Variants in WWOX observed in about 807,000 individuals in gnomAD.
WWOX encodes WW domain containing oxidoreductase, also known as WW domain-containing oxidoreductase.
A neutral mutation model predicts 46.2 loss-of-function variants in WWOX; 69 were observed. That is an observed-to-expected ratio of 1.49 (90% CI 1.23 to 1.82). WWOX has a LOEUF of 1.82. Ranked by LOEUF, WWOX falls within the 40% of genes most tolerant of loss-of-function variation. The probability of loss-of-function intolerance (pLI) is 0.00; values close to 1 mark genes in which losing one functional copy is unlikely to be tolerated. For missense variants in WWOX, 919 were observed against 542.6 expected (o/e 1.69, Z -6.89); for synonymous variants, 359 against 202.6 (o/e 1.77, Z -6.56).
Position 78,724,008 on chromosome 16 carries a change from C to T in WWOX, c.1056+291256C>T, listed in dbSNP as rs191542983. Among the ~76,000 whole-genome samples the T allele has an allele frequency of 6.3e-4, 96 of 152,244 alleles. 2 individuals carry two copies. In the East Asian group the frequency reaches 0.015, roughly 23 times the overall value. ...CCCTCTGATTCAGGCTCAGCAGGAG[C>T]GGGAGAGGATGCATAGGACTACATG... On this transcript the variant is annotated intron_variant, in intron 8 of 8. Coordinates refer to ENST00000566780, the MANE Select transcript of WWOX (RefSeq NM_016373.4).
Position 78,866,498 on chromosome 16 carries a change from A to G in WWOX, c.1057-345110A>G, listed in dbSNP as rs556318036. ...CTCTTGTTCCTCTGTCCTTCAGGTT[A>G]GTAAAACGAAGAACAGTTGCTGAAG... On this transcript the variant is annotated intron_variant, in intron 8 of 8. Coordinates refer to ENST00000566780, the MANE Select transcript of WWOX (RefSeq NM_016373.4). Among the ~76,000 whole-genome samples, 4 of 152,116 alleles carry G rather than the reference A, an allele frequency of 2.6e-5. No individual in the cohort carries two copies. The South Asian group carries it at 6.2e-4, about 24-fold the overall frequency.
intron 8 of WWOX, among the ~76,000 whole-genome samples, chr16:78,721,295 T>C (rs987669877): frequency 1.3e-5 from 2 of 152,246 alleles, no homozygotes; most frequent in African/African-American, 2.4e-5. Flanking sequence ...TCCATTATTC[T>C]ATTTCCCCCT....
intron 8 of WWOX, among the ~76,000 whole-genome samples, chr16:79,089,085 C>T (rs574286978): frequency 6.6e-6 from 1 of 152,210 alleles, no homozygotes; most frequent in East Asian, 1.9e-4. Context: ...TAATACAGTT[C>T]GTGTGCTGTA....
chr16:78,568,628 G>A (rs563521734), intron 8 of WWOX, among the ~76,000 whole-genome samples: 4 of 151,752 alleles, frequency 2.6e-5, no homozygotes, highest in East Asian at 2.0e-4. Context: ...GGCACCCGCC[G>A]CCACACCCAG....
intron 5 of WWOX, among the ~76,000 whole-genome samples, chr16:78,179,161 TC>T (rs368776847): frequency 6.6e-6 from 1 of 152,338 alleles, no homozygotes; most frequent in African/African-American, 2.4e-5. Flanking sequence ...CTGTTAAAAA[TC>T]AAGTTTCTTT....
At chr16:78,270,874 G>A (rs2151846203) in intron 5 of WWOX, among the ~76,000 whole-genome samples, 2 of 152,206 alleles carry the variant, frequency 1.3e-5, no homozygotes, top group Non-Finnish European at 2.9e-5. Context: ...GACGATACGT[G>A]GCCCGAAGAT....
intron 8 of WWOX, among the ~76,000 whole-genome samples, chr16:78,952,340 T>C (rs2046077532): frequency 1.3e-5 from 2 of 152,120 alleles, no homozygotes; most frequent in African/African-American, 4.8e-5. Context: ...TTGGCAGCAA[T>C]GCACTGAGCT....
chr16:78,395,736 A>G (rs982443837), intron 6 of WWOX, among the ~76,000 whole-genome samples: 2 of 148,682 alleles, frequency 1.3e-5, no homozygotes, highest in African/African-American at 5.1e-5. Context: ...TCTACTGAGT[A>G]TGGTTTTTTG....
chr16:78,778,284 A>G (rs568439943), intron 8 of WWOX, among the ~76,000 whole-genome samples: 18 of 152,186 alleles, frequency 1.2e-4, no homozygotes, highest in African/African-American at 4.3e-4. Flanking sequence ...TACTCTGGTG[A>G]TTGGTAACCA....
At chr16:78,753,694 C>G (rs1027218528) in intron 8 of WWOX, among the ~76,000 whole-genome samples, 2 of 149,306 alleles carry the variant, frequency 1.3e-5, no homozygotes, top group Non-Finnish European at 3.0e-5. Flanking sequence ...CCCAGGTACT[C>G]AGGAGGCTGA....
chr16:78,187,067 A>G (rs1032882757), intron 5 of WWOX, among the ~76,000 whole-genome samples: 17 of 152,326 alleles, frequency 1.1e-4, no homozygotes, highest in Middle Eastern at 3.4e-3. Context: ...TACCAACATC[A>G]TAGTCAGGAT....
At chr16:78,214,014 CAG>C (rs1311630211) in intron 5 of WWOX, among the ~76,000 whole-genome samples, 1 of 152,122 alleles carries the variant, frequency 6.6e-6, no homozygotes, top group African/African-American at 2.4e-5. Flanking sequence ...ACCTGTGTTC[CAG>C]AGTCTGCGCC....
chr16:78,251,518 A>G (rs1230023065), intron 5 of WWOX, among the ~76,000 whole-genome samples: 1 of 152,200 alleles, frequency 6.6e-6, no homozygotes. Flanking sequence ...CCAACTGAGC[A>G]GCACCAATAA....
chr16:78,158,108 C>T (rs1174962759), intron 4 of WWOX, among the ~76,000 whole-genome samples: 5 of 152,176 alleles, frequency 3.3e-5, no homozygotes, highest in African/African-American at 2.4e-5. Context: ...CTGTGCTATG[C>T]TGATTTTCCT....
chr16:79,212,133 G>C lies in WWOX; in HGVS notation c.*337G>C, dbSNP rs1373609943. ...TTCTTTTACTGTTATAGAATAGCCT[G>C]AGGTCCCCTCGTCCCATCCAGCTAC... On this transcript the variant is annotated 3_prime_UTR_variant, in exon 9 of 9. Coordinates refer to ENST00000566780, the MANE Select transcript of WWOX (RefSeq NM_016373.4). 1.4e-5 allele frequency: 22 copies of C among 1,529,290 alleles called. No homozygotes were observed. Among genetic ancestry groups the C allele is most frequent in the Non-Finnish European group, 1.9e-5 (22 of 1,143,124 alleles). 94.7% of individuals were successfully genotyped at this position (1,529,290 alleles called of 1,614,324 possible).
chr16:78,957,024 A>C (rs2046181249), intron 8 of WWOX, among the ~76,000 whole-genome samples: 1 of 152,192 alleles, frequency 6.6e-6, no homozygotes. Flanking sequence ...TGTTATTCAC[A>C]TGCTTTATTT....
intron 8 of WWOX, among the ~76,000 whole-genome samples, chr16:78,818,345 C>G (rs1264217661): frequency 6.6e-6 from 1 of 152,224 alleles, no homozygotes; most frequent in Non-Finnish European, 1.5e-5. Flanking sequence ...GCACACACAG[C>G]CCTTCTCTGT....
intron 8 of WWOX, among the ~76,000 whole-genome samples, chr16:79,000,035 A>G (rs1298928070): frequency 6.6e-6 from 1 of 152,136 alleles, no homozygotes; most frequent in African/African-American, 2.4e-5. Context: ...CTTCTTCCCC[A>G]GCTGAAATAG....
intron 5 of WWOX, among the ~76,000 whole-genome samples, chr16:78,168,733 T>A (rs2035056239): frequency 6.6e-6 from 1 of 152,242 alleles, no homozygotes; most frequent in Non-Finnish European, 1.5e-5. Context: ...CTGTCGTCTC[T>A]TTATATTCAA....
Sources: gnomAD v4.1 joint callset for allele counts (sites outside exome capture counted in the v4.1 genomes callset) on GRCh38, gnomAD v4.1.1 for gene constraint, MANE v1.5 for transcripts, NCBI Gene and HGNC (gene_info 2026-07-23, HGNC 2026-07-21) for gene names.